The following CACHD1 variants were observed in gnomAD, a reference collection of about 807,000 sequenced individuals.
CACHD1 encodes the protein cache domain containing 1.
CACHD1 carries 71 observed loss-of-function variants against 138.7 expected under a neutral mutation model. That is an observed-to-expected ratio of 0.51 (90% CI 0.42 to 0.62). The LOEUF (loss-of-function observed/expected upper bound fraction) is 0.62, where lower values mean the gene tolerates loss of function less well. Among genes scored for constraint, CACHD1 ranks in the 20% least tolerant of loss-of-function variants. CACHD1 has a pLI of 0.00. For synonymous variants in CACHD1, 578 were observed against 591.5 expected, an observed-to-expected ratio of 0.98 and a Z score of 0.33; for missense variants, 1,389 against 1,625.3, an observed-to-expected ratio of 0.85 and a Z score of 2.50.
At chr1:64,537,620 C>T (rs1042526148) in intron 1 of CACHD1, among the ~76,000 whole-genome samples, 5 of 152,108 alleles carry the variant, frequency 3.3e-5, no homozygotes, top group South Asian at 4.1e-4. Flanking sequence ...TTGTCACTTC[C>T]GAAGGCTTCA....
At chr1:64,657,089 A>AT (rs916883431) in intron 12 of CACHD1, among the ~76,000 whole-genome samples, 10 of 152,122 alleles carry the variant, frequency 6.6e-5, no homozygotes, top group African/African-American at 2.2e-4. Flanking sequence ...ACCCAAGTGC[A>AT]TTTTTTAGCA....
chr1:64,634,716 G>A lies in CACHD1; in HGVS notation c.1006+456G>A, dbSNP rs184107314. Among the ~76,000 whole-genome samples, 1,179 of 152,078 alleles carry A rather than the reference G, an allele frequency of 7.8e-3. 15 individuals are homozygous for A. The highest frequency in any genetic ancestry group is 0.027 in the African/African-American group (1,101 of 41,508). ...GATTAAAAAAAAATTGATTGGGGGC[G>A]AGGTGCGGTGGCTCACGCCTATAAT... On this transcript the variant is annotated intron_variant, in intron 7 of 26. Transcript: ENST00000651257.
At chr1:64,479,579 G>T (rs75081287) in intron 1 of CACHD1, among the ~76,000 whole-genome samples, 44 of 152,252 alleles carry the variant, frequency 2.9e-4, no homozygotes, top group African/African-American at 9.4e-4. Flanking sequence ...AGGTCAAGCT[G>T]GGGGCTGTTT....
intron 1 of CACHD1, among the ~76,000 whole-genome samples, chr1:64,479,276 C>T (rs1646195331): frequency 6.6e-6 from 1 of 152,142 alleles, no homozygotes; most frequent in Non-Finnish European, 1.5e-5. Context: ...GTTTGAGATA[C>T]CTACCCATCA....
rs1647780111 is a variant in CACHD1 at position 64,618,167 on chromosome 1, A to G, written c.518-11188A>G. On this transcript the variant is annotated intron_variant, in intron 4 of 26. Transcript: ENST00000651257. ...TCATAGATTAAAAAAAATAGCAATA[A>G]CAGTGGATAATAAAACTTACCTCAA... Among the ~76,000 whole-genome samples the G allele has an allele frequency of 3.3e-5, 5 of 152,164 alleles. No individual in the cohort carries two copies. In the South Asian group the frequency reaches 1.0e-3, roughly 32 times the overall value.
intron 1 of CACHD1, among the ~76,000 whole-genome samples, chr1:64,498,511 A>G (rs937763520): frequency 1.9e-4 from 29 of 152,324 alleles, no homozygotes; most frequent in Admixed American, 1.3e-3. Flanking sequence ...GCTCAGCGCA[A>G]TGTGGCTTCT....
rs765346194 is a variant in CACHD1, at chr1:64,658,765, C to A, written c.1843C>A (p.Gln615Lys). Residue 615 changes from glutamine to lysine, a missense_variant, in exon 13 of 27, where the codon CAA becomes AAA. By Grantham distance (53) the Gln-to-Lys change is moderately conservative. Coordinates refer to ENST00000651257, the MANE Select transcript of CACHD1 (RefSeq NM_020925.4). ...VVIQPEIPVK[Q>K]LKNLNTVPSS... ...GATACAACCAGAAATACCTGTGAAACAACTGAAGAACCTCAACACTGTTCC... is the reference window on the plus strand; with the variant it reads ...GATACAACCAGAAATACCTGTGAAAAAACTGAAGAACCTCAACACTGTTCC... The A allele has an allele frequency of 1.9e-6, 3 of 1,610,974 alleles. No homozygotes were observed. The highest frequency in any genetic ancestry group is 2.5e-6 in the Non-Finnish European group (3 of 1,178,302).
chr1:64,477,584 G>GATTATTATTACT (rs1414771604), intron 1 of CACHD1, among the ~76,000 whole-genome samples: 2 of 136,158 alleles, frequency 1.5e-5, no homozygotes, highest in African/African-American at 5.7e-5. Context: ...CTTCCCCCCA[G>GATTATTATTACT]ATTATTATTA....
At chr1:64,684,363 C>CTTTTTTTTTTT (rs397980387) in intron 26 of CACHD1, among the ~76,000 whole-genome samples, 18 of 54,954 alleles carry the variant, frequency 3.3e-4, no homozygotes, top group South Asian at 6.7e-4. Flanking sequence ...TCTTCTTCTT[C>CTTTTTTTTTTT]TTTTTTTTTT....
intron 2 of CACHD1, among the ~76,000 whole-genome samples, chr1:64,569,142 A>G (rs1373899781): frequency 1.3e-5 from 2 of 151,928 alleles, no homozygotes; most frequent in Non-Finnish European, 2.9e-5. Flanking sequence ...GCTGGTCTCG[A>G]ACTCCCGACA....
chr1:64,543,094 A>G (rs1175824816), intron 1 of CACHD1, among the ~76,000 whole-genome samples: 5 of 152,064 alleles, frequency 3.3e-5, no homozygotes, highest in Non-Finnish European at 5.9e-5. Context: ...CATGCTTTTA[A>G]TAGCTGCACA....
At chr1:64,676,022 A>G (rs760176800) in intron 21 of CACHD1, 39 bp downstream of exon 21, 1 of 500,784 alleles carries the variant, frequency 2.0e-6, no homozygotes. Context: ...TAATAATAAT[A>G]ATAATAATAA....
At chr1:64,643,360 G>T (rs1273808904) in intron 8 of CACHD1, among the ~76,000 whole-genome samples, 1 of 152,206 alleles carries the variant, frequency 6.6e-6, no homozygotes, top group Non-Finnish European at 1.5e-5. Flanking sequence ...GATGTCTAGT[G>T]GTCCTTAGCT....
At chr1:64,631,246 A>G (rs1377851436) in intron 5 of CACHD1, among the ~76,000 whole-genome samples, 1 of 152,208 alleles carries the variant, frequency 6.6e-6, no homozygotes, top group African/African-American at 2.4e-5. Flanking sequence ...AAATCCACCC[A>G]TCTAGCTTGG....
rs1473608456 is a variant in CACHD1 at position 64,634,253 on chromosome 1, C to G, written c.999C>G (p.Phe333Leu). ...LIRSTNNNTK[F>L]QANTDMVIIY... Reference sequence around the variant, plus strand: ...GAAGTACAAACAATAACACAAAGTTCCAAGCAAGTGAGTGCGTTCTCTCAG... The same window carrying G: ...GAAGTACAAACAATAACACAAAGTTGCAAGCAAGTGAGTGCGTTCTCTCAG... The change falls in exon 7 of 27, where the codon TTC (phenylalanine) becomes TTG (leucine). Residue 333 changes from phenylalanine to leucine, a missense_variant. Physicochemically the swap from Phe to Leu is conservative, Grantham distance 22. This residue lies in a region of CACHD1 where 1,000 missense variants were observed against 1,114.7 expected (regional missense o/e 0.90). Coordinates refer to ENST00000651257, the MANE Select transcript of CACHD1 (RefSeq NM_020925.4). 6.2e-7 allele frequency: 1 copy of G among 1,613,578 alleles called. No individual in the cohort carries two copies. Among genetic ancestry groups the G allele is most frequent in the South Asian group, 1.1e-5 (1 of 91,034 alleles).
chr1:64,534,099 A>C (rs1409208415), intron 1 of CACHD1, among the ~76,000 whole-genome samples: 1 of 144,312 alleles, frequency 6.9e-6, no homozygotes, highest in African/African-American at 2.6e-5. Context: ...GCTGGAGTGT[A>C]GTGGCATGTT....
Position 64,647,879 on chromosome 1 carries a change from A to G in CACHD1, c.1235A>G (p.Asp412Gly). 6.2e-7 allele frequency: 1 copy of G among 1,614,132 alleles called. No homozygotes were observed. Residue 412 changes from aspartate to glycine, a missense_variant, in exon 9 of 27, where the codon GAC becomes GGC. By Grantham distance (94) the Asp-to-Gly change is moderately conservative. Transcript: ENST00000651257. Reference protein sequence around the residue: ...EQNSGKYGVPDRMALPVIKGS... With the variant: ...EQNSGKYGVPGRMALPVIKGS... ...AATTCAGGGAAGTACGGTGTGCCAG[A>G]CCGGATGGCCTTGCCTGTGATTAAG...
intron 4 of CACHD1, among the ~76,000 whole-genome samples, chr1:64,616,277 C>G (rs943989457): frequency 6.6e-6 from 1 of 152,136 alleles, no homozygotes; most frequent in Non-Finnish European, 1.5e-5. Flanking sequence ...GGCTCTCCCT[C>G]GTGAAGAGCT....
At position 64,494,839 on chromosome 1, in the gene CACHD1, A is replaced by G. The variant is rs183455989; in HGVS notation, c.198+23897A>G. Reference sequence around the variant, plus strand: ...ATGCAGATAGCTACTAGTTTCAGAAAGAGAAATGACTTATCTAAGATGTGA... The same window carrying G: ...ATGCAGATAGCTACTAGTTTCAGAAGGAGAAATGACTTATCTAAGATGTGA... On this transcript the variant is annotated intron_variant, in intron 1 of 26. Transcript: ENST00000651257. 5.9e-5 allele frequency among the ~76,000 whole-genome samples: 9 copies of G among 152,342 alleles called. No individual in the cohort carries two copies. In the East Asian group the frequency reaches 1.7e-3, roughly 29 times the overall value.
Sources: gnomAD v4.1 joint callset for allele counts (sites outside exome capture counted in the v4.1 genomes callset) on GRCh38, gnomAD v4.1.1 for gene constraint, gnomAD v4.1.1 regional missense constraint, MANE v1.5 for transcripts, NCBI Gene and HGNC (gene_info 2026-07-23, HGNC 2026-07-21) for gene names.